NECAB2: variants seen among roughly 807,000 people sequenced by gnomAD.
NECAB2 encodes the protein N-terminal EF-hand calcium-binding protein 2.
In NECAB2, 68 loss-of-function variants were observed where a neutral mutation model predicts 51.9. That is an observed-to-expected ratio of 1.31 (90% confidence interval 1.08 to 1.60). The LOEUF is 1.60. NECAB2 is among the 40% of genes most tolerant of loss of function. The pLI is 0.00. For missense variants in NECAB2, 854 were observed against 490.3 expected, an observed-to-expected ratio of 1.74 and a Z score of -7.00; for synonymous variants, 329 against 203.5, an observed-to-expected ratio of 1.62 and a Z score of -5.25.
chr16:83,999,214 G>A (rs186563407), intron 10 of NECAB2, among the ~76,000 whole-genome samples: 15 of 152,270 alleles, frequency 9.9e-5, no homozygotes, highest in Middle Eastern at 3.4e-3. Flanking sequence ...GAGTGCGGCC[G>A]TTCCCGAGAC....
intron 3 of NECAB2, 143 bp from the exon 4 acceptor site, chr16:83,980,696 C>T (rs576728193): frequency 7.0e-6 from 8 of 1,136,374 alleles, no homozygotes; most frequent in South Asian, 1.4e-5. Flanking sequence ...CCTGCTGCAC[C>T]CTCTTCTGTA....
intron 10 of NECAB2, among the ~76,000 whole-genome samples, chr16:83,999,213 C>A (rs529326326): frequency 1.3e-5 from 2 of 152,110 alleles, no homozygotes. Context: ...GGAGTGCGGC[C>A]GTTCCCGAGA....
intron 5 of NECAB2, among the ~76,000 whole-genome samples, chr16:83,987,689 G>T (rs1211644185): frequency 6.6e-6 from 1 of 151,898 alleles, no homozygotes; most frequent in Non-Finnish European, 1.5e-5. Flanking sequence ...TTCCTCTTTT[G>T]TTAGGTATAT....
In NECAB2 at chr16:83,998,221, G is replaced by T. The variant is rs775251515; in HGVS notation, c.866G>T (p.Arg289Leu). The T allele has an allele frequency of 1.9e-6, 3 of 1,610,598 alleles. No homozygotes were observed. Among genetic ancestry groups the T allele is most frequent in the Non-Finnish European group, 2.5e-6 (3 of 1,179,992 alleles). ...GCCCGGCAGCACCTGCAGCTGGTCC[G>T]GCAGGAGATGGCCGTGTGCCCCGAG... Reference protein sequence around the residue: ...DGTNMHLQLVRQEMAVCPEQL... With the variant: ...DGTNMHLQLVLQEMAVCPEQL... Residue 289 changes from arginine (R) to leucine (L), a missense_variant, in exon 10 of 13, where the codon CGG becomes CTG. Coordinates refer to ENST00000305202, the MANE Select transcript of NECAB2 (RefSeq NM_019065.3).
chr16:83,996,624 G>A (rs535669931), intron 8 of NECAB2, among the ~76,000 whole-genome samples: 6 of 152,102 alleles, frequency 3.9e-5, no homozygotes, highest in East Asian at 1.9e-4. Flanking sequence ...TCAGACCCAC[G>A]CTCTGACACT....
intron 2 of NECAB2, among the ~76,000 whole-genome samples, chr16:83,976,106 G>C (rs922528834): frequency 2.6e-5 from 4 of 152,180 alleles, no homozygotes; most frequent in African/African-American, 7.2e-5. Context: ...ACAGGCACGT[G>C]GGGAGATGAG....
intron 6 of NECAB2, among the ~76,000 whole-genome samples, chr16:83,992,620 T>C (rs1457937202): frequency 6.6e-6 from 1 of 152,186 alleles, no homozygotes; most frequent in Non-Finnish European, 1.5e-5. Flanking sequence ...TTCTTCGTAG[T>C]TGAAGAGCTG....
Position 84,001,907 on chromosome 16 carries a change from T to G in NECAB2, c.1123T>G (p.Leu375Val), listed in dbSNP as rs2084844821. The change falls in exon 12 of 13, where the codon TTG becomes GTG. Residue 375 changes from leucine to valine, a missense_variant. Transcript: ENST00000305202. The stretch of plus-strand genomic sequence containing the variant: ...CCAGCCTGAGGCCCTCTCCAGGATC[T>G]TGGTGCCAGGTAGGGGGCAAAGGCC... ...LSQPEALSRI[L>V]VPAAWCTVGR... 6.2e-7 allele frequency: 1 copy of G among 1,613,832 alleles called. No homozygotes were observed. The highest frequency in any genetic ancestry group is 1.7e-5 in the Admixed American group (1 of 59,996).
At chr16:84,001,364 G>A (rs2084830520) in intron 11 of NECAB2, among the ~76,000 whole-genome samples, 1 of 152,032 alleles carries the variant, frequency 6.6e-6, no homozygotes, top group Non-Finnish European at 1.5e-5. Flanking sequence ...CCCATCTCCT[G>A]CTTCCCTGGT....
upstream of NECAB2, chr16:83,965,606 C>A (rs148300856): frequency 3.7e-6 from 6 of 1,613,010 alleles, no homozygotes; most frequent in Non-Finnish European, 5.1e-6. Context: ...CCAGATGATG[C>A]GGGAGCAGTC....
In NECAB2 at chr16:83,998,310, T is replaced by G; in HGVS notation, c.955T>G (p.Cys319Gly). 6.2e-7 allele frequency: 1 copy of G among 1,613,458 alleles called. No homozygotes were observed. Among genetic ancestry groups the G allele is most frequent in the East Asian group, 2.2e-5 (1 of 44,866 alleles). ...YLRGTTGVRN[C>G]FHITAVRLSD... Reference sequence around the variant, plus strand: ...GCGGGGGACCACTGGCGTGAGGAACTGCTTCCAGTGAGTGAGCTGCCGAGG... The same window carrying G: ...GCGGGGGACCACTGGCGTGAGGAACGGCTTCCAGTGAGTGAGCTGCCGAGG... Residue 319 changes from cysteine to glycine, a missense_variant, in exon 10 of 13, where the codon TGC (cysteine) becomes GGC (glycine). Cys to Gly is a radical substitution (Grantham distance 159). Transcript: ENST00000305202.
chr16:83,987,589 T>G (rs1465258006), intron 5 of NECAB2, among the ~76,000 whole-genome samples: 2 of 150,012 alleles, frequency 1.3e-5, no homozygotes, highest in East Asian at 1.9e-4. Flanking sequence ...AAAATCTATT[T>G]CCTGCTCTTT....
intron 10 of NECAB2, among the ~76,000 whole-genome samples, 177 bp from the exon 11 acceptor site, chr16:84,000,547 G>C (rs142936891): frequency 6.6e-6 from 1 of 152,196 alleles, no homozygotes; most frequent in South Asian, 2.1e-4. Flanking sequence ...TAAGAAGCCA[G>C]GCCTTATTCC....
At chr16:83,993,263 G>C (rs1222217243) in intron 6 of NECAB2, 2 of 152,166 alleles carry the variant, frequency 1.3e-5, no homozygotes, top group Admixed American at 6.5e-5. Flanking sequence ...ATGGTCTGAG[G>C]GATACATTTA....
chr16:83,996,965 G>C (rs1285309499), intron 8 of NECAB2, among the ~76,000 whole-genome samples: 1 of 151,116 alleles, frequency 6.6e-6, no homozygotes, highest in Non-Finnish European at 1.5e-5. Flanking sequence ...GCAAACCCCA[G>C]CATCTTGGAC....
chr16:83,990,666 T>A (rs746916568), intron 6 of NECAB2, 36 bp downstream of exon 6: 1 of 1,610,686 alleles, frequency 6.2e-7, no homozygotes, highest in Non-Finnish European at 8.5e-7. Flanking sequence ...CCCATGGGGG[T>A]ATGCCGTGCA....
chr16:83,997,827 G>A (rs1287987936), intron 9 of NECAB2, among the ~76,000 whole-genome samples: 3 of 152,072 alleles, frequency 2.0e-5, no homozygotes, highest in Non-Finnish European at 4.4e-5. Context: ...AAAAAGGTTT[G>A]GCATAGAGCA....
chr16:84,001,946 G>C, intron 12 of NECAB2, 30 bp downstream of exon 12: 3 of 1,604,882 alleles, frequency 1.9e-6, no homozygotes, highest in Non-Finnish European at 1.7e-6. Flanking sequence ...AACTGCAGTG[G>C]CCACCTGACT....
At chr16:83,974,693 G>C (rs1314855873) in intron 2 of NECAB2, among the ~76,000 whole-genome samples, 2 of 152,224 alleles carry the variant, frequency 1.3e-5, no homozygotes, top group Admixed American at 6.5e-5. Context: ...CAGCGGTGCA[G>C]GCAGGTTCTG....
Sources: gnomAD v4.1 joint callset for allele counts (sites outside exome capture counted in the v4.1 genomes callset) on GRCh38, gnomAD v4.1.1 for gene constraint, MANE v1.5 for transcripts, NCBI Gene and HGNC (gene_info 2026-07-23, HGNC 2026-07-21) for gene names.